MAGI1: variants seen among roughly 807,000 people sequenced by gnomAD.
MAGI1 encodes the protein membrane associated guanylate kinase, WW and PDZ domain containing 1.
Under a neutral mutation model 139.9 loss-of-function variants are expected in MAGI1, and 58 were observed. The ratio of observed to expected loss-of-function variants is 0.41; its 90% confidence interval spans 0.34 to 0.52. The LOEUF (loss-of-function observed/expected upper bound fraction) is 0.52, where lower values mean the gene tolerates loss of function less well. MAGI1 is among the 20% of genes least tolerant of loss of function. The probability of loss-of-function intolerance (pLI) is 0.12; values close to 1 mark genes in which losing one functional copy is unlikely to be tolerated. For missense variants in MAGI1, 1,874 were observed against 1,901.6 expected, an observed-to-expected ratio of 0.99 and a Z score of 0.27; for synonymous variants, 812 against 737.9, an observed-to-expected ratio of 1.10 and a Z score of -1.63.
chr3:65,478,900 A>T, intron 3 of MAGI1, 102 bp from the exon 4 acceptor site: 1 of 831,118 alleles, frequency 1.2e-6, no homozygotes, highest in Non-Finnish European at 2.0e-6. Flanking sequence ...AAAAAAAATT[A>T]AACTAGAAAA....
At chr3:65,696,498 T>G (rs931834917) in intron 1 of MAGI1, among the ~76,000 whole-genome samples, 1 of 152,154 alleles carries the variant, frequency 6.6e-6, no homozygotes, top group Admixed American at 6.5e-5. Context: ...CATTAAATAT[T>G]TGTTGAATGA....
chr3:65,465,425 G>A (rs1174513873), intron 5 of MAGI1, among the ~76,000 whole-genome samples: 2 of 151,454 alleles, frequency 1.3e-5, no homozygotes, highest in Non-Finnish European at 2.9e-5. Flanking sequence ...GAGTAGGCCT[G>A]CTGGCAGCAA....
intron 2 of MAGI1, among the ~76,000 whole-genome samples, chr3:65,513,313 T>C (rs1321288624): frequency 6.0e-5 from 1 of 16,536 alleles, no homozygotes; most frequent in African/African-American, 2.0e-4. Flanking sequence ...CCAGGGCAAT[T>C]AGGCAGGAGA....
At chr3:65,596,750 C>T (rs72902272) in intron 2 of MAGI1, among the ~76,000 whole-genome samples, 9,144 of 152,178 alleles carry the variant, frequency 0.06, 341 homozygotes, top group East Asian at 0.12. Context: ...GGGTTTGGCC[C>T]ATTCACTTAC....
At chr3:65,383,656 T>C in intron 14 of MAGI1, 33 bp from the exon 15 acceptor site, 1 of 1,325,500 alleles carries the variant, frequency 7.5e-7, no homozygotes, top group Non-Finnish European at 1.1e-6. Context: ...AGAAGGATTA[T>C]TTTACTGATA....
At chr3:65,672,584 A>G (rs181347245) in intron 1 of MAGI1, among the ~76,000 whole-genome samples, 207 of 152,302 alleles carry the variant, frequency 1.4e-3, no homozygotes, top group African/African-American at 4.5e-3. Flanking sequence ...AGGGGGAAAA[A>G]CATCCTTAAA....
intron 1 of MAGI1, among the ~76,000 whole-genome samples, chr3:65,837,941 T>C (rs1233595063): frequency 6.6e-6 from 1 of 152,190 alleles, no homozygotes; most frequent in Non-Finnish European, 1.5e-5. Flanking sequence ...TTACAGAAAG[T>C]GGTAAAGATG....
intron 1 of MAGI1, among the ~76,000 whole-genome samples, chr3:65,648,926 T>C (rs2085427512): frequency 6.6e-6 from 1 of 152,148 alleles, no homozygotes; most frequent in South Asian, 2.1e-4. Context: ...TGATTTTTCA[T>C]GAAGATACAA....
At chr3:65,779,339 C>T (rs1306533225) in intron 1 of MAGI1, among the ~76,000 whole-genome samples, 2 of 152,166 alleles carry the variant, frequency 1.3e-5, no homozygotes, top group Non-Finnish European at 2.9e-5. Context: ...ACAAGCAAGT[C>T]CCAAATTTGC....
intron 7 of MAGI1, among the ~76,000 whole-genome samples, chr3:65,444,523 G>C (rs1319382381): frequency 6.6e-6 from 1 of 152,136 alleles, no homozygotes; most frequent in African/African-American, 2.4e-5. Context: ...ATTATCTTTA[G>C]ATAAAACAGG....
At chr3:65,817,642 GGA>G (rs2041689054) in intron 1 of MAGI1, among the ~76,000 whole-genome samples, 1 of 152,186 alleles carries the variant, frequency 6.6e-6, no homozygotes, top group Non-Finnish European at 1.5e-5. Flanking sequence ...AAAGAAAGAG[GGA>G]GAGTGATTAA....
At chr3:65,396,432 A>G (rs1944400273) in intron 13 of MAGI1, among the ~76,000 whole-genome samples, 1 of 152,230 alleles carries the variant, frequency 6.6e-6, no homozygotes, top group Admixed American at 6.5e-5. Flanking sequence ...TCTGAAATGA[A>G]TGATTCCCTT....
At chr3:65,650,816 G>A (rs2085533468) in intron 1 of MAGI1, among the ~76,000 whole-genome samples, 2 of 152,130 alleles carry the variant, frequency 1.3e-5, no homozygotes, top group African/African-American at 2.4e-5. Flanking sequence ...TGATAAGAAT[G>A]CAATTAAAGT....
In MAGI1 at chr3:65,364,701, T is replaced by A; in HGVS notation, c.3315A>T (p.Glu1105Asp). 1 of 1,614,128 alleles carries A rather than the reference T, an allele frequency of 6.2e-7. No individual in the cohort carries two copies. Among genetic ancestry groups the A allele is most frequent in the South Asian group, 1.1e-5 (1 of 91,088 alleles). The change falls in exon 20 of 23, where the codon GAA becomes GAT. Residue 1105 changes from glutamate (E) to aspartate (D), a missense_variant. Around this residue, in one of 5 missense-constraint regions of MAGI1, gnomAD observed 653 missense variants for 644.5 expected, o/e 1.01. Coordinates refer to ENST00000402939, the MANE Select transcript of MAGI1 (RefSeq NM_001033057.2). ...GGGGTGCTTTGAACTCAAATTGAGA[T>A]TCCTGCTTTGGTTTGGTGGTATTCC... ...ETRNTTKPKQ[E>D]SQFEFKAPQA...
chr3:65,595,062 G>A (rs1274167758), intron 2 of MAGI1, among the ~76,000 whole-genome samples: 2 of 152,152 alleles, frequency 1.3e-5, no homozygotes, highest in Non-Finnish European at 2.9e-5. Context: ...AATAACTGGT[G>A]TCAATTAAGC....
intron 1 of MAGI1, among the ~76,000 whole-genome samples, chr3:65,813,529 T>C (rs1420392614): frequency 5.3e-5 from 8 of 152,110 alleles, no homozygotes; most frequent in Non-Finnish European, 2.9e-5. Flanking sequence ...ATATACTACA[T>C]AGTAATGGTG....
chr3:65,734,618 C>G (rs1057168502), intron 1 of MAGI1, among the ~76,000 whole-genome samples: 5 of 150,976 alleles, frequency 3.3e-5, no homozygotes. Context: ...GTCTACATAA[C>G]CTTCATTATC....
intron 1 of MAGI1, among the ~76,000 whole-genome samples, chr3:65,650,783 T>C (rs1487251918): frequency 6.6e-6 from 1 of 152,168 alleles, no homozygotes; most frequent in African/African-American, 2.4e-5. Flanking sequence ...AATCAGAATT[T>C]GGATTTAAGC....
intron 7 of MAGI1, among the ~76,000 whole-genome samples, chr3:65,446,979 G>A (rs919682825): frequency 3.9e-5 from 6 of 152,038 alleles, no homozygotes; most frequent in African/African-American, 9.7e-5. Flanking sequence ...TTTATCTCAC[G>A]TAACAAAAAT....
Sources: gnomAD v4.1 joint callset for allele counts (sites outside exome capture counted in the v4.1 genomes callset) on GRCh38, gnomAD v4.1.1 for gene constraint, gnomAD v4.1.1 regional missense constraint, MANE v1.5 for transcripts, NCBI Gene and HGNC (gene_info 2026-07-23, HGNC 2026-07-21) for gene names.